The following MALRD1 variants were observed in gnomAD, a reference collection of about 807,000 sequenced individuals.
MALRD1 encodes MAM and LDL receptor class A domain containing 1, also known as MAM and LDL-receptor class A domain-containing protein 1.
A neutral mutation model predicts 242.1 loss-of-function variants in MALRD1; 247 were observed. The observed-to-expected ratio is 1.02, with a 90% CI of 0.92 to 1.13. The LOEUF (loss-of-function observed/expected upper bound fraction) is 1.13. Among genes scored for constraint, MALRD1 ranks in the 50% most tolerant of loss-of-function variants. The pLI, the probability that MALRD1 is intolerant of heterozygous loss-of-function variation, is 0.00. For synonymous variants in MALRD1, 995 were observed against 866.6 expected (o/e 1.15, Z -2.60); for missense variants, 2,989 against 2,533.1 (o/e 1.18, Z -3.86).
At chr10:19,433,663 A>G (rs1484424826) in intron 28 of MALRD1, among the ~76,000 whole-genome samples, 3 of 152,142 alleles carry the variant, frequency 2.0e-5, no homozygotes, top group African/African-American at 7.2e-5. Flanking sequence ...TTAACTTCCA[A>G]TCATGAGCAT....
At chr10:19,710,790 T>A (rs1354740045) in intron 38 of MALRD1, 2 of 152,162 alleles carry the variant, frequency 1.3e-5, no homozygotes, top group Non-Finnish European at 2.9e-5. Context: ...TTTTTCCACA[T>A]CCTCCCTCTA....
At chr10:19,261,804 T>TTTTTTTTTTTTTTTTTTTTTTTTTTGAG (rs1344643628) in intron 19 of MALRD1, among the ~76,000 whole-genome samples, 1 of 151,448 alleles carries the variant, frequency 6.6e-6, no homozygotes, top group African/African-American at 2.4e-5. Context: ...CTTGTAATTT[T>TTTTTTTTTTTTTTTTTTTTTTTTTTGAG]AATGAAAGCA....
chr10:19,370,666 C>A (rs556347570), intron 26 of MALRD1, among the ~76,000 whole-genome samples: 1 of 152,206 alleles, frequency 6.6e-6, no homozygotes, highest in East Asian at 1.9e-4. Flanking sequence ...CAACCTCTGC[C>A]TCCTGGGTTC....
chr10:19,288,032 G>T (rs1175967119), intron 21 of MALRD1, among the ~76,000 whole-genome samples: 2 of 151,400 alleles, frequency 1.3e-5, no homozygotes, highest in Admixed American at 6.6e-5. Context: ...AATTTAATGG[G>T]TTTTTTCAAG....
At chr10:19,365,151 A>G (rs1305818568) in intron 26 of MALRD1, among the ~76,000 whole-genome samples, 1 of 152,188 alleles carries the variant, frequency 6.6e-6, no homozygotes, top group South Asian at 2.1e-4. Flanking sequence ...TTAATTTAAA[A>G]TGAAATAAAA....
upstream of MALRD1, among the ~76,000 whole-genome samples, chr10:19,047,889 CT>C (rs1423764469): frequency 6.6e-6 from 1 of 152,174 alleles, no homozygotes; most frequent in East Asian, 1.9e-4. Flanking sequence ...ATTTTTGCCT[CT>C]TGCGGTTACA....
chr10:19,550,972 A>G (rs4097790), intron 32 of MALRD1, among the ~76,000 whole-genome samples: 126,989 of 152,116 alleles, frequency 0.83, 53,056 homozygotes, highest in Admixed American at 0.85. Context: ...CCTTGCCAGC[A>G]TCTGTTATTT....
chr10:19,273,009 T>C (rs1840331879), intron 19 of MALRD1, among the ~76,000 whole-genome samples: 1 of 152,214 alleles, frequency 6.6e-6, no homozygotes, highest in Non-Finnish European at 1.5e-5. Context: ...CATGTATCTT[T>C]ATAGTAGAAT....
intron 2 of MALRD1, among the ~76,000 whole-genome samples, chr10:19,087,259 T>C (rs1474391045): frequency 1.3e-5 from 2 of 152,066 alleles, no homozygotes; most frequent in South Asian, 2.1e-4. Flanking sequence ...TTTCGCTAGA[T>C]AGCATCTTTG....
At chr10:19,503,925 G>T (rs1384750564) in intron 31 of MALRD1, among the ~76,000 whole-genome samples, 2 of 152,090 alleles carry the variant, frequency 1.3e-5, no homozygotes, top group African/African-American at 4.8e-5. Flanking sequence ...TAAATGTTTG[G>T]TAAATAACTA....
chr10:19,456,921 C>T (rs757862492), intron 29 of MALRD1, among the ~76,000 whole-genome samples: 1 of 151,956 alleles, frequency 6.6e-6, no homozygotes, highest in Non-Finnish European at 1.5e-5. Flanking sequence ...TACAGGCATG[C>T]ACCACCATGC....
chr10:19,060,823 A>T (rs1834801451), intron 1 of MALRD1, among the ~76,000 whole-genome samples: 1 of 152,198 alleles, frequency 6.6e-6, no homozygotes, highest in African/African-American at 2.4e-5. Context: ...CTAGAGTGTC[A>T]AAGCAGCCTT....
chr10:19,151,664 G>T (rs2131456754), intron 11 of MALRD1, among the ~76,000 whole-genome samples: 1 of 152,154 alleles, frequency 6.6e-6, no homozygotes, highest in African/African-American at 2.4e-5. Flanking sequence ...CTGAAAAATT[G>T]TATTCTTTAT....
chr10:19,363,102 C>T (rs1332533408), intron 26 of MALRD1, among the ~76,000 whole-genome samples: 1 of 151,976 alleles, frequency 6.6e-6, no homozygotes, highest in East Asian at 1.9e-4. Context: ...GTCAACTCAG[C>T]ATTTGAATAC....
At chr10:19,352,436 C>G in intron 26 of MALRD1, 139 bp downstream of exon 26, 2 of 877,286 alleles carry the variant, frequency 2.3e-6, no homozygotes, top group Non-Finnish European at 3.4e-6. Context: ...TTTTTAAACT[C>G]AAAAAAATAT....
At chr10:19,590,520 A>C (rs1837718140) in intron 33 of MALRD1, among the ~76,000 whole-genome samples, 1 of 151,700 alleles carries the variant, frequency 6.6e-6, no homozygotes, top group Admixed American at 6.6e-5. Context: ...AGTGTGCCTT[A>C]AAGTCAGCTT....
chr10:19,477,508 C>T (rs985619403), intron 29 of MALRD1, among the ~76,000 whole-genome samples: 3 of 151,982 alleles, frequency 2.0e-5, no homozygotes, highest in African/African-American at 7.3e-5. Context: ...TGTTGACTTG[C>T]TTGGTCATGA....
At chr10:19,125,191 C>T (rs1386644006) in intron 7 of MALRD1, among the ~76,000 whole-genome samples, 1 of 151,876 alleles carries the variant, frequency 6.6e-6, no homozygotes, top group Non-Finnish European at 1.5e-5. Flanking sequence ...AGTGATCCAC[C>T]CACCTTAGCC....
intron 32 of MALRD1, among the ~76,000 whole-genome samples, chr10:19,551,633 G>A (rs1835473716): frequency 6.6e-6 from 1 of 152,062 alleles, no homozygotes; most frequent in African/African-American, 2.4e-5. Context: ...TGGACTTTGA[G>A]TACTGTGTTG....
Sources: allele counts gnomAD v4.1 joint callset (sites outside exome capture counted in the v4.1 genomes callset), GRCh38; gene constraint gnomAD v4.1.1; transcripts MANE v1.5; gene names NCBI Gene and HGNC (gene_info 2026-07-23, HGNC 2026-07-21).